The following RNLS variants were observed in gnomAD, a reference collection of about 807,000 sequenced individuals.
RNLS encodes the protein renalase.
A neutral mutation model predicts 39.8 loss-of-function variants in RNLS; 39 were observed. The ratio of observed to expected loss-of-function variants is 0.98; its 90% CI spans 0.76 to 1.28. The LOEUF is 1.28. Ranked by LOEUF, RNLS falls within the 50% of genes most tolerant of loss-of-function variation. RNLS has a pLI of 0.00. For synonymous variants in RNLS, 147 were observed against 150.7 expected (o/e 0.98, Z 0.18); for missense variants, 410 against 413.3 (o/e 0.99, Z 0.07).
the RNLS span, among the ~76,000 whole-genome samples, chr10:88,195,053 G>A: frequency 2.8e-3 from 422 of 152,306 alleles, 1 homozygote; most frequent in Non-Finnish European, 3.9e-3. Flanking sequence ...CCTGGTGGGT[G>A]TTGGATCCAA....
intron 5 of RNLS, among the ~76,000 whole-genome samples, chr10:88,323,902 C>T (rs1648514576): frequency 1.3e-5 from 2 of 151,938 alleles, no homozygotes; most frequent in African/African-American, 4.8e-5. Context: ...CAAAACAACC[C>T]CATTAAAAAG....
intron 4 of RNLS, among the ~76,000 whole-genome samples, chr10:88,537,794 T>C (rs527884149): frequency 1.3e-5 from 2 of 152,316 alleles, no homozygotes; most frequent in Non-Finnish European, 2.9e-5. Context: ...GCTGACTATA[T>C]GGATTTTTGT....
At position 88,302,864 on chromosome 10, in the gene RNLS, G is replaced by A. The variant is rs79474400; in HGVS notation, c.876+11602C>T. On this transcript the variant is annotated intron_variant, in intron 6 of 6. Transcript: ENST00000331772. Reference sequence around the variant, plus strand: ...AAATGAGGGTAATAGAAAAATGCAGGGAGAGGGGGGAGGCAAGATGGCTGA... The same window carrying A: ...AAATGAGGGTAATAGAAAAATGCAGAGAGAGGGGGGAGGCAAGATGGCTGA... 3.4e-3 allele frequency among the ~76,000 whole-genome samples: 517 copies of A among 152,296 alleles called. 3 individuals carry two copies. The highest frequency in any genetic ancestry group is 0.025 in the East Asian group (129 of 5,186).
chr10:88,287,375 A>G (rs531895392), intron 6 of RNLS, among the ~76,000 whole-genome samples: 3 of 152,294 alleles, frequency 2.0e-5, no homozygotes, highest in African/African-American at 7.2e-5. Context: ...GGCAGCACAT[A>G]GTGCAGTCAC....
chr10:88,246,271 G>T, the RNLS span, among the ~76,000 whole-genome samples: 1 of 152,172 alleles, frequency 6.6e-6, no homozygotes, highest in African/African-American at 2.4e-5. Flanking sequence ...CTCAGAACTA[G>T]TCCCTTTCCC....
intron 4 of RNLS, among the ~76,000 whole-genome samples, chr10:88,422,161 A>G (rs979330407): frequency 1.3e-5 from 2 of 152,246 alleles, no homozygotes; most frequent in African/African-American, 4.8e-5. Context: ...TTACTTAAAC[A>G]TTAAATGATA....
intron 3 of RNLS, among the ~76,000 whole-genome samples, chr10:88,578,624 C>A (rs1165824031): frequency 6.6e-6 from 1 of 151,836 alleles, no homozygotes; most frequent in Non-Finnish European, 1.5e-5. Flanking sequence ...GTTAAATAGA[C>A]CATGAACTTG....
intron 4 of RNLS, among the ~76,000 whole-genome samples, chr10:88,572,346 A>G (rs1018972399): frequency 1.3e-5 from 2 of 151,422 alleles, no homozygotes; most frequent in East Asian, 1.9e-4. Flanking sequence ...CCAAAGGCTT[A>G]GAAAGGATAA....
chr10:88,409,261 A>G (rs1853502160), intron 4 of RNLS, among the ~76,000 whole-genome samples: 1 of 152,054 alleles, frequency 6.6e-6, no homozygotes, highest in African/African-American at 2.4e-5. Flanking sequence ...AATTAGCCCT[A>G]TTTACCATTT....
intron 4 of RNLS, among the ~76,000 whole-genome samples, chr10:88,430,413 ATAGACACT>A (rs1331316551): frequency 1.3e-5 from 2 of 151,892 alleles, no homozygotes; most frequent in African/African-American, 4.8e-5. Flanking sequence ...AATTTTCTAT[ATAGACACT>A]TGTGTCATCT....
At chr10:88,336,931 C>T (rs1177800266) in intron 5 of RNLS, among the ~76,000 whole-genome samples, 2 of 151,990 alleles carry the variant, frequency 1.3e-5, no homozygotes, top group South Asian at 2.1e-4. Context: ...TTATAATAGA[C>T]TAAGCGATCA....
At chr10:88,250,054 C>A in the RNLS span, among the ~76,000 whole-genome samples, 2 of 152,140 alleles carry the variant, frequency 1.3e-5, no homozygotes, top group African/African-American at 4.8e-5. Flanking sequence ...CTGTTGTTTG[C>A]GCTATTAAAG....
At chr10:88,304,590 T>G (rs945031110) in intron 6 of RNLS, among the ~76,000 whole-genome samples, 2 of 152,156 alleles carry the variant, frequency 1.3e-5, no homozygotes, top group Non-Finnish European at 1.5e-5. Flanking sequence ...GGAAAGAATC[T>G]CGGCGCTTAA....
chr10:88,208,885 G>A, the RNLS span, among the ~76,000 whole-genome samples: 1 of 152,060 alleles, frequency 6.6e-6, no homozygotes, highest in African/African-American at 2.4e-5. Flanking sequence ...TGAGATGAGT[G>A]TCATTTGGCA....
intron 4 of RNLS, among the ~76,000 whole-genome samples, chr10:88,496,921 T>C (rs1311813494): frequency 6.6e-6 from 1 of 152,044 alleles, no homozygotes; most frequent in Non-Finnish European, 1.5e-5. Context: ...TAGGGCATTC[T>C]AAAAGGGAGG....
At chr10:88,452,617 C>T (rs866939561) in intron 4 of RNLS, among the ~76,000 whole-genome samples, 12 of 152,218 alleles carry the variant, frequency 7.9e-5, no homozygotes, top group Middle Eastern at 3.4e-3. Context: ...GGCTCTGCGA[C>T]TTAGAAATCC....
At chr10:88,271,777 G>T (rs1295647877), downstream of RNLS, among the ~76,000 whole-genome samples, 1 of 152,178 alleles carries the variant, frequency 6.6e-6, no homozygotes, top group Non-Finnish European at 1.5e-5. Context: ...CAAATACCCA[G>T]GACTTGGCCT....
At chr10:88,441,821 TAGAA>T (rs1324954555) in intron 4 of RNLS, among the ~76,000 whole-genome samples, 1 of 152,162 alleles carries the variant, frequency 6.6e-6, no homozygotes, top group African/African-American at 2.4e-5. Flanking sequence ...TTAATAAACA[TAGAA>T]AGGAAGTAGA....
the RNLS span, among the ~76,000 whole-genome samples, chr10:88,198,794 A>G: frequency 6.6e-6 from 1 of 152,140 alleles, no homozygotes; most frequent in African/African-American, 2.4e-5. Flanking sequence ...GTAGCCTGTG[A>G]GCCAATTAAA....
Sources: gnomAD v4.1 joint callset for allele counts (sites outside exome capture counted in the v4.1 genomes callset) on GRCh38, gnomAD v4.1.1 for gene constraint, MANE v1.5 for transcripts, NCBI Gene and HGNC (gene_info 2026-07-23, HGNC 2026-07-21) for gene names.